SMOC2: variants seen among roughly 807,000 people sequenced by gnomAD.
SMOC2 encodes SPARC related modular calcium binding 2.
SMOC2 carries 39 observed loss-of-function variants against 61.4 expected under a neutral mutation model. The ratio of observed to expected loss-of-function variants is 0.64; its 90% CI spans 0.49 to 0.83. SMOC2 has a LOEUF of 0.83. Among genes scored for constraint, SMOC2 ranks in the 40% least tolerant of loss-of-function variants. The pLI is 0.00. For missense variants in SMOC2, 556 were observed against 592.9 expected (o/e 0.94, Z 0.65); for synonymous variants, 247 against 239.9 (o/e 1.03, Z -0.27).
intron 12 of SMOC2, 86 bp from the exon 13 acceptor site, chr6:168,666,335 A>G: frequency 1.3e-6 from 2 of 1,545,544 alleles, no homozygotes; most frequent in Non-Finnish European, 1.8e-6. Flanking sequence ...GGTTCAGTTC[A>G]TTCCCAGAAG....
intron 9 of SMOC2, among the ~76,000 whole-genome samples, chr6:168,628,397 C>A (rs1786474079): frequency 6.6e-6 from 1 of 152,120 alleles, no homozygotes; most frequent in Non-Finnish European, 1.5e-5. Flanking sequence ...TTAAGTGAAA[C>A]ACTTCGTTCC....
Position 168,650,780 on chromosome 6 carries a change from G to T in SMOC2, c.1007G>T (p.Gly336Val), listed in dbSNP as rs1002508931. ...HAASDPSSSS[G>V]RLSEPDPSHT... ...GCCTCCGACCCCTCCTCCTCGTCAG[G>T]CAGGTACGCTGTGTTCGCCGTGGGA... The change falls in exon 10 of 13, where the codon GGC becomes GTC. Residue 336 changes from glycine (G) to valine (V), a missense_variant. Transcript: ENST00000356284. 3.7e-6 allele frequency: 6 copies of T among 1,610,138 alleles called. No individual in the cohort carries two copies. Among genetic ancestry groups the T allele is most frequent in the Non-Finnish European group, 4.2e-6 (5 of 1,179,648 alleles).
Position 168,497,927 on chromosome 6 carries a change from T to C in SMOC2, c.85-11988T>C, listed in dbSNP as rs906532704. On this transcript the variant is annotated intron_variant, in intron 1 of 12. Transcript: ENST00000356284. ...TGGAGACACAGGGCTGGAGGCTGCCTGGACTTTATGCAGAGATCAGAGGCC... is the reference window on the plus strand; with the variant it reads ...TGGAGACACAGGGCTGGAGGCTGCCCGGACTTTATGCAGAGATCAGAGGCC... Among the ~76,000 whole-genome samples, 13 of 152,158 alleles carry C rather than the reference T, an allele frequency of 8.5e-5. 1 individual carries two copies. The highest frequency in any genetic ancestry group is 7.7e-4 in the East Asian group (4 of 5,176).
At chr6:168,583,148 C>A (rs1012791308) in intron 7 of SMOC2, among the ~76,000 whole-genome samples, 1 of 152,162 alleles carries the variant, frequency 6.6e-6, no homozygotes, top group African/African-American at 2.4e-5. Flanking sequence ...ATAGAAAATT[C>A]AAAAAATACA....
chr6:168,635,352 C>T (rs111529676), intron 9 of SMOC2, among the ~76,000 whole-genome samples: 1,712 of 152,136 alleles, frequency 0.011, 34 homozygotes, highest in African/African-American at 0.04. Flanking sequence ...AAATAAAGAG[C>T]GCAGGGAAAA....
intron 1 of SMOC2, among the ~76,000 whole-genome samples, chr6:168,492,300 G>T (rs1353453363): frequency 6.6e-6 from 1 of 152,200 alleles, no homozygotes; most frequent in Non-Finnish European, 1.5e-5. Flanking sequence ...CATGCATGAT[G>T]CTCATTTTTA....
chr6:168,661,516 T>G (rs1461237376), intron 11 of SMOC2, among the ~76,000 whole-genome samples: 1 of 152,046 alleles, frequency 6.6e-6, no homozygotes, highest in African/African-American at 2.4e-5. Flanking sequence ...GCAGGAAAAT[T>G]GCTTGAACCA....
intron 1 of SMOC2, among the ~76,000 whole-genome samples, chr6:168,449,476 T>A (rs538991696): frequency 6.6e-5 from 10 of 152,238 alleles, no homozygotes; most frequent in Admixed American, 3.3e-4. Flanking sequence ...ATTTGAGAGA[T>A]CTGGATGAAA....
At chr6:168,526,225 C>G (rs1783449022) in intron 2 of SMOC2, 121 bp from the exon 3 acceptor site, 2 of 828,150 alleles carry the variant, frequency 2.4e-6, no homozygotes, top group Non-Finnish European at 3.9e-6. Flanking sequence ...GAAGCCCTTT[C>G]CAGCCTCCAG....
rs761403556 is a variant in SMOC2 at position 168,598,824 on chromosome 6, C to T, written c.644C>T (p.Ser215Phe). 6.2e-7 allele frequency: 1 copy of T among 1,613,726 alleles called. No individual in the cohort carries two copies. The highest frequency in any genetic ancestry group is 8.5e-7 in the Non-Finnish European group (1 of 1,179,756). The change falls in exon 8 of 13, where the codon TCC becomes TTC. Residue 215 changes from serine to phenylalanine, a missense_variant. Coordinates refer to ENST00000356284, the MANE Select transcript of SMOC2 (RefSeq NM_001166412.2). The stretch of plus-strand genomic sequence containing the variant: ...GCCTTCTTCTTCCCCGCAGTGTCAT[C>T]CTGTGACCAAGAGCACCAGTCTGCC... ...QNKTNKNSVSSCDQEHQSALE... is the reference protein window; with the variant it reads ...QNKTNKNSVSFCDQEHQSALE...
chr6:168,638,962 A>G (rs1786819646), intron 9 of SMOC2, among the ~76,000 whole-genome samples: 1 of 152,158 alleles, frequency 6.6e-6, no homozygotes, highest in African/African-American at 2.4e-5. Flanking sequence ...GGAGAAAATG[A>G]TTCCTGCCTG....
chr6:168,649,101 G>C lies in SMOC2; in HGVS notation c.908-1580G>C, dbSNP rs190597793. ...TCCAGAGAGAGCCCTCCTCATCTCA[G>C]ACAATCCTTCCTCTGAGGGCCACGG... On this transcript the variant is annotated intron_variant, in intron 9 of 12. Transcript: ENST00000356284. Among the ~76,000 whole-genome samples, 287 of 152,306 alleles carry C rather than the reference G, an allele frequency of 1.9e-3. 2 individuals are homozygous for C. The highest frequency in any genetic ancestry group is 6.7e-3 in the African/African-American group (280 of 41,568).
chr6:168,557,969 A>G (rs6455528), intron 7 of SMOC2, among the ~76,000 whole-genome samples: 17,250 of 152,218 alleles, frequency 0.11, 2,555 homozygotes, highest in African/African-American at 0.35. Context: ...GCAGATTGAC[A>G]GGCACACTCA....
chr6:168,579,523 A>G (rs960867911), intron 7 of SMOC2, among the ~76,000 whole-genome samples: 1 of 152,238 alleles, frequency 6.6e-6, no homozygotes, highest in Non-Finnish European at 1.5e-5. Flanking sequence ...AAATAGATTC[A>G]GTGTCCAAAT....
At chr6:168,497,970 G>A (rs1201984273) in intron 1 of SMOC2, among the ~76,000 whole-genome samples, 1 of 152,054 alleles carries the variant, frequency 6.6e-6, no homozygotes, top group Non-Finnish European at 1.5e-5. Flanking sequence ...TTTACCGCTG[G>A]GCCATTTTGT....
intron 2 of SMOC2, among the ~76,000 whole-genome samples, chr6:168,519,857 T>C (rs1450855055): frequency 1.3e-5 from 2 of 152,268 alleles, no homozygotes; most frequent in Admixed American, 1.3e-4. Context: ...CTGAATACTG[T>C]AATATAGTCT....
At chr6:168,515,542 G>T (rs963066101) in intron 2 of SMOC2, among the ~76,000 whole-genome samples, 8 of 113,240 alleles carry the variant, frequency 7.1e-5, no homozygotes, top group Admixed American at 4.8e-4. Flanking sequence ...TCTGCAGTTG[G>T]AGTTTTCCTA....
chr6:168,567,058 T>A (rs1018326646), intron 7 of SMOC2, among the ~76,000 whole-genome samples: 1 of 152,250 alleles, frequency 6.6e-6, no homozygotes, highest in Admixed American at 6.5e-5. Flanking sequence ...AAATAAATTT[T>A]CCAAGATTAG....
intron 7 of SMOC2, among the ~76,000 whole-genome samples, chr6:168,581,184 A>G (rs2115158481): frequency 6.6e-6 from 1 of 152,358 alleles, no homozygotes; most frequent in African/African-American, 2.4e-5. Context: ...CTAAAGGGGC[A>G]CTTTTAAAAT....
Sources: gnomAD v4.1 joint callset for allele counts (sites outside exome capture counted in the v4.1 genomes callset) on GRCh38, gnomAD v4.1.1 for gene constraint, MANE v1.5 for transcripts, NCBI Gene and HGNC (gene_info 2026-07-23, HGNC 2026-07-21) for gene names.